Variants in MEAF6 observed in about 807,000 individuals in gnomAD.
The protein encoded by MEAF6 is chromatin modification-related protein MEAF6.
MEAF6 carries 15 observed loss-of-function variants against 28.9 expected under a neutral mutation model. That is an observed-to-expected ratio of 0.52 (90% CI 0.35 to 0.80). The LOEUF (loss-of-function observed/expected upper bound fraction) is 0.80. Ranked by LOEUF, MEAF6 falls within the 30% of genes least tolerant of loss-of-function variation. The pLI is 0.01. For missense variants in MEAF6, 178 were observed against 237.5 expected, an observed-to-expected ratio of 0.75 and a Z score of 1.65; for synonymous variants, 97 against 88.7, an observed-to-expected ratio of 1.09 and a Z score of -0.53.
chr1:37,509,624 T>C (rs1642598811), intron 2 of MEAF6, 82 bp from the exon 3 acceptor site: 4 of 1,219,222 alleles, frequency 3.3e-6, no homozygotes, highest in East Asian at 2.3e-5. Flanking sequence ...TCATGTTCCA[T>C]GCAGGAAGCT....
At chr1:37,496,125 G>A (rs1019911002) in intron 5 of MEAF6, among the ~76,000 whole-genome samples, 3 of 152,148 alleles carry the variant, frequency 2.0e-5, no homozygotes, top group African/African-American at 4.8e-5. Flanking sequence ...TTTGCCCTAA[G>A]GCAAACTTAG....
intron 4 of MEAF6, among the ~76,000 whole-genome samples, chr1:37,503,380 G>C (rs1316733218): frequency 1.3e-5 from 2 of 152,194 alleles, no homozygotes; most frequent in Non-Finnish European, 2.9e-5. Context: ...ATTAGGCACA[G>C]TATCTCATGC....
At chr1:37,512,582 C>T (rs1553163841) in intron 2 of MEAF6, among the ~76,000 whole-genome samples, 1 of 152,134 alleles carries the variant, frequency 6.6e-6, no homozygotes, top group Non-Finnish European at 1.5e-5. Flanking sequence ...AGCTGGCACA[C>T]AGGTATGGCA....
chr1:37,495,761 C>T (rs1642113208), intron 6 of MEAF6, 124 bp downstream of exon 6: 3 of 819,872 alleles, frequency 3.7e-6, no homozygotes, highest in African/African-American at 3.5e-5. Flanking sequence ...CAGATGGACA[C>T]CCCAGACTTT....
In MEAF6 at chr1:37,493,833, A is replaced by C. The variant is rs765798988; in HGVS notation, c.*266T>G. On this transcript the variant is annotated 3_prime_UTR_variant, in exon 7 of 7. Coordinates refer to ENST00000296214, the MANE Select transcript of MEAF6 (RefSeq NM_001270875.3). ...ATTCATTCTAAGAAGGGAGAAACGCACAGTTAGCAACTTGCTGGGATTACA... is the reference window on the plus strand; with the variant it reads ...ATTCATTCTAAGAAGGGAGAAACGCCCAGTTAGCAACTTGCTGGGATTACA... 5.2e-6 allele frequency: 8 copies of C among 1,548,342 alleles called. No homozygotes were observed. Among genetic ancestry groups the C allele is most frequent in the Non-Finnish European group, 7.0e-6 (8 of 1,146,572 alleles).
chr1:37,495,706 A>AAAAAAAAAAAAAAAAC (rs1557603926), intron 6 of MEAF6, among the ~76,000 whole-genome samples, 179 bp downstream of exon 6: 1 of 121,286 alleles, frequency 8.2e-6, no homozygotes, highest in African/African-American at 3.0e-5. Flanking sequence ...ACAAAAAACA[A>AAAAAAAAAAAAAAAAC]AAAAAAAAAA....
At chr1:37,504,457 C>A (rs1642412014) in intron 4 of MEAF6, among the ~76,000 whole-genome samples, 1 of 152,034 alleles carries the variant, frequency 6.6e-6, no homozygotes. Flanking sequence ...CTTTACTCAA[C>A]TGTTGAAGGA....
intron 1 of MEAF6, chr1:37,514,040 G>C (rs761951596): frequency 5.3e-4 from 94 of 175,838 alleles, no homozygotes; most frequent in Middle Eastern, 2.7e-3. Flanking sequence ...GCCGAGACGC[G>C]GGGGCAGGAA....
intron 4 of MEAF6, among the ~76,000 whole-genome samples, chr1:37,507,094 T>C (rs1009083880): frequency 7.2e-5 from 11 of 152,016 alleles, no homozygotes; most frequent in African/African-American, 2.7e-4. Context: ...CAAAGGCAGA[T>C]GGATCACCTG....
rs1350162829 is a variant in MEAF6 at position 37,501,811 on chromosome 1, G to T, written c.526C>A (p.Arg176=). ...SSHKKRKNKN[R]HRIDLKLNKK... ...GGGATCCCTGCCACTGACCTGTGCC[G>T]GTTTTTATTCTTTCGCTTTTTATGG... Residue 176 remains arginine, a synonymous_variant, in exon 5 of 7, where the codon CGG becomes AGG. Coordinates refer to ENST00000296214, the MANE Select transcript of MEAF6 (RefSeq NM_001270875.3). 2 of 1,583,734 alleles carry T rather than the reference G, an allele frequency of 1.3e-6. No homozygotes were observed. Among genetic ancestry groups the T allele is most frequent in the Non-Finnish European group, 1.7e-6 (2 of 1,158,890 alleles).
intron 2 of MEAF6, among the ~76,000 whole-genome samples, chr1:37,510,538 T>C (rs1355063332): frequency 2.7e-5 from 4 of 147,734 alleles, no homozygotes; most frequent in Non-Finnish European, 6.0e-5. Context: ...CACCCCACCA[T>C]GCCCGGCTAA....
In MEAF6 at chr1:37,502,001, A is replaced by G. The variant is rs1483204060; in HGVS notation, c.341-5T>C. On this transcript the variant is annotated splice_region_variant and splice_polypyrimidine_tract_variant and intron_variant, in intron 4 of 6. Transcript: ENST00000296214. The stretch of plus-strand genomic sequence containing the variant: ...CCGTCCCACTTCCTGGCTCCCCTGA[A>G]GGAAATAAAACACAAGTTTCCAAAT... 6.3e-7 allele frequency: 1 copy of G among 1,591,052 alleles called. No homozygotes were observed. Among genetic ancestry groups the G allele is most frequent in the African/African-American group, 1.3e-5 (1 of 74,320 alleles).
Position 37,494,616 on chromosome 1 carries a change from A to G in MEAF6, c.568-509T>C, listed in dbSNP as rs146778228. 5.4e-3 allele frequency among the ~76,000 whole-genome samples: 814 copies of G among 151,384 alleles called. 7 individuals are homozygous for G. The highest frequency in any genetic ancestry group is 0.018 in the African/African-American group (746 of 41,328). On this transcript the variant is annotated intron_variant, in intron 6 of 6. Coordinates refer to ENST00000296214, the MANE Select transcript of MEAF6 (RefSeq NM_001270875.3). Reference sequence around the variant, plus strand: ...GAGGCCCAGGCGGGCAGATCACTTGAGGTCAGGAGCTCGAGACCAGCCTGG... The same window carrying G: ...GAGGCCCAGGCGGGCAGATCACTTGGGGTCAGGAGCTCGAGACCAGCCTGG...
intron 5 of MEAF6, among the ~76,000 whole-genome samples, chr1:37,498,411 TATTA>T (rs887012562): frequency 1.6e-3 from 77 of 47,648 alleles, no homozygotes; most frequent in African/African-American, 8.4e-3. Context: ...TGTTATTTTT[TATTA>T]TTATTATTAT....
chr1:37,506,165 A>C (rs1266211434), intron 4 of MEAF6, among the ~76,000 whole-genome samples: 1 of 151,882 alleles, frequency 6.6e-6, no homozygotes, highest in Admixed American at 6.6e-5. Context: ...CAGCTACTCG[A>C]GAGGCTGAGG....
At chr1:37,507,276 C>T (rs980289986) in intron 4 of MEAF6, among the ~76,000 whole-genome samples, 3 of 151,028 alleles carry the variant, frequency 2.0e-5, no homozygotes, top group East Asian at 2.0e-4. Context: ...GCCGAGATCA[C>T]GCCATTGCAC....
intron 5 of MEAF6, among the ~76,000 whole-genome samples, chr1:37,497,466 C>A (rs997561538): frequency 6.6e-6 from 1 of 152,140 alleles, no homozygotes; most frequent in Non-Finnish European, 1.5e-5. Context: ...AGTGGTGGAA[C>A]CTTGTTCCAG....
chr1:37,507,680 G>A (rs1434083599), intron 4 of MEAF6, among the ~76,000 whole-genome samples: 1 of 151,988 alleles, frequency 6.6e-6, no homozygotes, highest in East Asian at 1.9e-4. Flanking sequence ...GAAATGTCTA[G>A]AAGGAAATGC....
intron 6 of MEAF6, among the ~76,000 whole-genome samples, chr1:37,495,052 C>T (rs905982628): frequency 6.6e-5 from 10 of 150,962 alleles, no homozygotes; most frequent in African/African-American, 2.2e-4. Context: ...TGTATGTGAC[C>T]GGCCGGGTGC....
Sources: allele counts gnomAD v4.1 joint callset (sites outside exome capture counted in the v4.1 genomes callset), GRCh38; gene constraint gnomAD v4.1.1; transcripts MANE v1.5; gene names NCBI Gene and HGNC (gene_info 2026-07-23, HGNC 2026-07-21).